Variants in SKAP1 observed in about 807,000 individuals in gnomAD.
The protein encoded by SKAP1 is src kinase associated phosphoprotein 1.
In SKAP1, 44 loss-of-function variants were observed where a neutral mutation model predicts 58.5. That is an observed-to-expected ratio of 0.75 (90% CI 0.59 to 0.97). The LOEUF is 0.97. Ranked by LOEUF, SKAP1 falls within the 50% of genes least tolerant of loss-of-function variation. The probability of loss-of-function intolerance (pLI) is 0.00; values close to 1 mark genes in which losing one functional copy is unlikely to be tolerated. For missense variants in SKAP1, 390 were observed against 435.2 expected, an observed-to-expected ratio of 0.90 and a Z score of 0.92; for synonymous variants, 127 against 149.7, an observed-to-expected ratio of 0.85 and a Z score of 1.11.
intron 4 of SKAP1, among the ~76,000 whole-genome samples, chr17:48,316,518 G>A (rs1018895375): frequency 6.6e-6 from 1 of 152,044 alleles, no homozygotes. Flanking sequence ...CTGCCTTTCA[G>A]TCTTTTTTGT....
rs1301478111 is a variant in SKAP1, at chr17:48,162,557, C to G, written c.890G>C (p.Ser297Thr). 1 of 1,612,360 alleles carries G rather than the reference C, an allele frequency of 6.2e-7. No individual in the cohort carries two copies. Among genetic ancestry groups the G allele is most frequent in the East Asian group, 2.2e-5 (1 of 44,844 alleles). Residue 297 changes from serine (S) to threonine (T), a missense_variant, in exon 11 of 13, where the codon AGT (serine) becomes ACT (threonine). By Grantham distance (58) the Ser-to-Thr change is moderately conservative. Coordinates refer to ENST00000336915, the MANE Select transcript of SKAP1 (RefSeq NM_003726.4). ...GTRRKGVDYASYYQGLWDCHG... is the reference protein window; with the variant it reads ...GTRRKGVDYATYYQGLWDCHG... ...GCAATCCCATAGGCCCTGGTAGTAA[C>G]TGGCATAGTCTACTGATCAAAGAGA...
chr17:48,225,424 T>C (rs2143752887), intron 4 of SKAP1, among the ~76,000 whole-genome samples: 1 of 152,340 alleles, frequency 6.6e-6, no homozygotes, highest in African/African-American at 2.4e-5. Flanking sequence ...GAAATCAAGA[T>C]GATAAAACTT....
chr17:48,283,256 GAA>G (rs1268145628), intron 4 of SKAP1, among the ~76,000 whole-genome samples: 3 of 152,146 alleles, frequency 2.0e-5, no homozygotes, highest in Admixed American at 1.3e-4. Flanking sequence ...CAGAGCTGGA[GAA>G]AGTTTCCTAA....
Position 48,280,416 on chromosome 17 carries a change from G to C in SKAP1, c.280+65489C>G, listed in dbSNP as rs149190726. The stretch of plus-strand genomic sequence containing the variant: ...ACCTGGGAGGCAGAGGTTGCAGTGA[G>C]CCGAGATCTGCACTCCAGCCTGGAT... On this transcript the variant is annotated intron_variant, in intron 4 of 12. Transcript: ENST00000336915. Among the ~76,000 whole-genome samples, 709 of 139,208 alleles carry C rather than the reference G, an allele frequency of 5.1e-3. 4 individuals are homozygous for C. The highest frequency in any genetic ancestry group is 0.018 in the African/African-American group (661 of 37,386). 91.3% of individuals were successfully genotyped at this position (139,208 alleles called of 152,430 possible).
At chr17:48,429,723 C>T (rs762050502) in intron 1 of SKAP1, among the ~76,000 whole-genome samples, 2 of 151,964 alleles carry the variant, frequency 1.3e-5, no homozygotes, top group East Asian at 1.9e-4. Context: ...AGGAGGGGGA[C>T]GGGAAACCCT....
chr17:48,369,366 C>T (rs924614489), intron 2 of SKAP1, among the ~76,000 whole-genome samples: 5 of 151,328 alleles, frequency 3.3e-5, no homozygotes, highest in Non-Finnish European at 7.4e-5. Flanking sequence ...TGGTGTGCAC[C>T]TGCAGTCCCA....
intron 4 of SKAP1, among the ~76,000 whole-genome samples, chr17:48,256,587 G>A (rs2065426157): frequency 6.6e-6 from 1 of 152,092 alleles, no homozygotes; most frequent in African/African-American, 2.4e-5. Flanking sequence ...CTGTGAGGTA[G>A]TGTACAAAGC....
Position 48,184,816 on chromosome 17 carries a change from C to G in SKAP1, c.474G>C (p.Lys158Asn), listed in dbSNP as rs761570642. 6 of 1,613,872 alleles carry G rather than the reference C, an allele frequency of 3.7e-6. No individual in the cohort carries two copies. ...GGGGGGCCATCCGTACACCGTAGCC[C>G]TTAATGAGGAAGGTCCCTTTGGGCT... ...SKQPKGTFLI[K>N]GYGVRMAPHL... is the part of the protein sequence containing the mutation. The change falls in exon 7 of 13, where the codon AAG (lysine) becomes AAC (asparagine). Residue 158 changes from lysine to asparagine, a missense_variant. Coordinates refer to ENST00000336915, the MANE Select transcript of SKAP1 (RefSeq NM_003726.4).
chr17:48,418,597 T>C (rs1400109922), intron 1 of SKAP1, among the ~76,000 whole-genome samples: 1 of 152,192 alleles, frequency 6.6e-6, no homozygotes, highest in Non-Finnish European at 1.5e-5. Flanking sequence ...CTCCTAGATA[T>C]ATTTATCCAA....
chr17:48,405,143 A>T (rs990773605), intron 1 of SKAP1, among the ~76,000 whole-genome samples: 1 of 152,202 alleles, frequency 6.6e-6, no homozygotes, highest in African/African-American at 2.4e-5. Context: ...AGTAGACAAA[A>T]ATAAATAATG....
At chr17:48,235,798 T>C (rs1388295295) in intron 4 of SKAP1, among the ~76,000 whole-genome samples, 1 of 152,210 alleles carries the variant, frequency 6.6e-6, no homozygotes, top group African/African-American at 2.4e-5. Flanking sequence ...TTGCTTGTAC[T>C]TGGACCAGTA....
At chr17:48,262,122 G>A (rs1340701453) in intron 4 of SKAP1, among the ~76,000 whole-genome samples, 1 of 152,214 alleles carries the variant, frequency 6.6e-6, no homozygotes, top group Non-Finnish European at 1.5e-5. Context: ...CAAAGAAGAT[G>A]GAGGGCCTAC....
At chr17:48,213,947 C>G (rs960565084) in intron 4 of SKAP1, among the ~76,000 whole-genome samples, 2 of 152,162 alleles carry the variant, frequency 1.3e-5, no homozygotes, top group East Asian at 3.8e-4. Flanking sequence ...GAGCCAACTG[C>G]TGCTCTTGGA....
At chr17:48,405,393 C>CT (rs2067558083) in intron 1 of SKAP1, among the ~76,000 whole-genome samples, 1 of 30,572 alleles carries the variant, frequency 3.3e-5, no homozygotes, top group Non-Finnish European at 6.1e-5. Flanking sequence ...TTTCTCTTTC[C>CT]TTTCTTTCTT....
chr17:48,215,499 G>A (rs1157367932), intron 4 of SKAP1, among the ~76,000 whole-genome samples: 2 of 152,174 alleles, frequency 1.3e-5, no homozygotes, highest in Non-Finnish European at 2.9e-5. Context: ...AACACCATTG[G>A]GCAGACGGAG....
chr17:48,408,815 A>G (rs892014619), intron 1 of SKAP1, among the ~76,000 whole-genome samples: 3 of 152,224 alleles, frequency 2.0e-5, no homozygotes, highest in Non-Finnish European at 1.5e-5. Flanking sequence ...CCAATATACA[A>G]TACATTTGCC....
intron 4 of SKAP1, among the ~76,000 whole-genome samples, chr17:48,280,383 T>A (rs2065751450): frequency 6.6e-6 from 1 of 151,894 alleles, no homozygotes; most frequent in South Asian, 2.1e-4. Context: ...GGCAGGAGAA[T>A]CACTTGAACC....
chr17:48,165,795 C>T (rs923575183), intron 10 of SKAP1, among the ~76,000 whole-genome samples: 4 of 152,178 alleles, frequency 2.6e-5, no homozygotes, highest in African/African-American at 4.8e-5. Flanking sequence ...GCTTACACTA[C>T]TCTGGCAGCC....
chr17:48,271,675 T>G (rs2065635291), intron 4 of SKAP1, among the ~76,000 whole-genome samples: 1 of 152,166 alleles, frequency 6.6e-6, no homozygotes, highest in African/African-American at 2.4e-5. Context: ...TCTTGTTTCT[T>G]GATTTTTTTT....
Sources: gnomAD v4.1 joint callset for allele counts (sites outside exome capture counted in the v4.1 genomes callset) on GRCh38, gnomAD v4.1.1 for gene constraint, MANE v1.5 for transcripts, NCBI Gene and HGNC (gene_info 2026-07-23, HGNC 2026-07-21) for gene names.